L3MBTL4: variants seen among roughly 807,000 people sequenced by gnomAD.
L3MBTL4 encodes L3MBTL histone methyl-lysine binding protein 4, also known as lethal(3)malignant brain tumor-like protein 4.
A neutral mutation model predicts 84.5 loss-of-function variants in L3MBTL4; 70 were observed. That is an observed-to-expected ratio of 0.83 (90% CI 0.68 to 1.01). The LOEUF (loss-of-function observed/expected upper bound fraction) is 1.01, where lower values mean the gene tolerates loss of function less well. L3MBTL4 is among the 50% of genes least tolerant of loss of function. L3MBTL4 has a pLI of 0.00. For missense variants in L3MBTL4, 715 were observed against 754.8 expected (o/e 0.95, Z 0.62); for synonymous variants, 274 against 259.8 (o/e 1.05, Z -0.52).
At chr18:6,111,143 G>A (rs181054129) in intron 14 of L3MBTL4, among the ~76,000 whole-genome samples, 33 of 152,232 alleles carry the variant, frequency 2.2e-4, no homozygotes, top group Admixed American at 9.2e-4. Context: ...AGATGGAGCC[G>A]GAGAGGTGAG....
chr18:6,080,671 T>C (rs1339030875), intron 16 of L3MBTL4, among the ~76,000 whole-genome samples: 1 of 152,162 alleles, frequency 6.6e-6, no homozygotes, highest in Non-Finnish European at 1.5e-5. Context: ...TCCAGTCCTT[T>C]TACTTTTAAA....
rs150639377 is a variant in L3MBTL4 at position 6,076,452 on chromosome 18, T to C, written c.1444+4429A>G. Among the ~76,000 whole-genome samples, 547 of 152,262 alleles carry C rather than the reference T, an allele frequency of 3.6e-3. 3 individuals carry two copies. Among genetic ancestry groups the C allele is most frequent in the African/African-American group, 0.013 (530 of 41,560 alleles). The stretch of plus-strand genomic sequence containing the variant: ...ATAGTTACCCTGGCAGGAGGAATGA[T>C]AGGGGTCAGAAGCTTGAGGTGAGCT... On this transcript the variant is annotated intron_variant, in intron 16 of 18. Coordinates refer to ENST00000317931, the MANE Select transcript of L3MBTL4 (RefSeq NM_001330559.2).
chr18:5,988,581 G>A (rs1174060009), intron 16 of L3MBTL4, among the ~76,000 whole-genome samples: 4 of 152,028 alleles, frequency 2.6e-5, no homozygotes, highest in Admixed American at 6.6e-5. Context: ...TAAATGTTAG[G>A]CCACTAGACA....
intron 1 of L3MBTL4, among the ~76,000 whole-genome samples, chr18:6,318,240 A>G (rs535572093): frequency 6.6e-6 from 1 of 152,202 alleles, no homozygotes; most frequent in African/African-American, 2.4e-5. Flanking sequence ...GATGACTGGA[A>G]CAGTACCTCA....
In L3MBTL4 at chr18:6,384,794, G is replaced by A. The variant is rs548447993; in HGVS notation, c.-91+30007C>T. Among the ~76,000 whole-genome samples the A allele has an allele frequency of 2.0e-5, 3 of 152,276 alleles. No individual in the cohort carries two copies. In the South Asian group the frequency reaches 6.2e-4, roughly 32 times the overall value. ...TCACGGATGGTCTCCTCTGGGGGAA[G>A]CCAGCTGCCATGTTATGAGGACACT... On this transcript the variant is annotated intron_variant, in intron 1 of 18. Coordinates refer to ENST00000317931, the MANE Select transcript of L3MBTL4 (RefSeq NM_001330559.2).
chr18:6,062,384 C>G lies in L3MBTL4; in HGVS notation c.1444+18497G>C, dbSNP rs371089938. On this transcript the variant is annotated intron_variant, in intron 16 of 18. Coordinates refer to ENST00000317931, the MANE Select transcript of L3MBTL4 (RefSeq NM_001330559.2). ...CTCTATGGGTAAGGTGATTATTTTC[C>G]TCTGGCTTCTTTCAAGATTTTCTCT... Among the ~76,000 whole-genome samples, 51 of 152,034 alleles carry G rather than the reference C, an allele frequency of 3.4e-4. No individual in the cohort carries two copies. In the South Asian group the frequency reaches 9.8e-3, roughly 29 times the overall value.
intron 4 of L3MBTL4, among the ~76,000 whole-genome samples, chr18:6,278,775 CT>C (rs2049196797): frequency 6.6e-6 from 1 of 151,896 alleles, no homozygotes; most frequent in East Asian, 1.9e-4. Context: ...CTGTGATAAT[CT>C]TTAGTTTGCT....
intron 16 of L3MBTL4, among the ~76,000 whole-genome samples, chr18:6,064,226 T>G (rs1031368234): frequency 2.6e-5 from 4 of 152,132 alleles, no homozygotes; most frequent in Non-Finnish European, 5.9e-5. Context: ...ATGCCTATTT[T>G]TTATACCAGT....
chr18:6,091,306 G>T (rs1214855300), intron 15 of L3MBTL4, among the ~76,000 whole-genome samples: 1 of 152,200 alleles, frequency 6.6e-6, no homozygotes, highest in Non-Finnish European at 1.5e-5. Flanking sequence ...AAAAGGGAAT[G>T]ACTGCTAATA....
chr18:6,208,121 AAATAAAT>A (rs2045951054), intron 12 of L3MBTL4, among the ~76,000 whole-genome samples: 7 of 128,276 alleles, frequency 5.5e-5, no homozygotes, highest in Admixed American at 5.3e-4. Context: ...TCTAAAAAAT[AAATAAAT>A]AAATAAATAA....
chr18:6,019,523 A>G (rs1025453777), intron 16 of L3MBTL4, among the ~76,000 whole-genome samples: 1 of 152,224 alleles, frequency 6.6e-6, no homozygotes, highest in East Asian at 1.9e-4. Context: ...TTCAAGAAGC[A>G]TTGTGTAAAT....
At chr18:6,119,293 C>CA (rs2059455388) in intron 14 of L3MBTL4, among the ~76,000 whole-genome samples, 1 of 152,076 alleles carries the variant, frequency 6.6e-6, no homozygotes, top group Non-Finnish European at 1.5e-5. Context: ...GAACTACTGT[C>CA]AAAAGGAACC....
chr18:6,209,616 T>A (rs1188050820), intron 12 of L3MBTL4, among the ~76,000 whole-genome samples: 1 of 152,126 alleles, frequency 6.6e-6, no homozygotes, highest in Non-Finnish European at 1.5e-5. Flanking sequence ...TATAGAGTTA[T>A]CATATGACCC....
chr18:6,172,258 T>G (rs1051512965), intron 12 of L3MBTL4, among the ~76,000 whole-genome samples: 2 of 152,186 alleles, frequency 1.3e-5, no homozygotes, highest in African/African-American at 4.8e-5. Context: ...GAGGGGATAC[T>G]CTTTGTCCTG....
intron 16 of L3MBTL4, among the ~76,000 whole-genome samples, chr18:6,033,300 T>C (rs1232409064): frequency 6.6e-6 from 1 of 152,198 alleles, no homozygotes; most frequent in Non-Finnish European, 1.5e-5. Flanking sequence ...CTGCTCTCTT[T>C]TGGTAACTAT....
intron 16 of L3MBTL4, among the ~76,000 whole-genome samples, chr18:5,973,966 T>A (rs2052774005): frequency 6.6e-6 from 1 of 152,234 alleles, no homozygotes; most frequent in South Asian, 2.1e-4. Context: ...AAATGTTCTC[T>A]GCACCAGAAA....
intron 1 of L3MBTL4, among the ~76,000 whole-genome samples, chr18:6,386,712 T>C (rs1217746279): frequency 6.6e-6 from 1 of 152,062 alleles, no homozygotes; most frequent in Admixed American, 6.6e-5. Flanking sequence ...CTTATGAAGC[T>C]GCTCAAGGAA....
At chr18:6,266,918 G>T (rs949808987) in intron 4 of L3MBTL4, among the ~76,000 whole-genome samples, 1 of 151,558 alleles carries the variant, frequency 6.6e-6, no homozygotes, top group Middle Eastern at 3.2e-3. Context: ...GTGAAACTCC[G>T]TCTCAGAAAA....
chr18:6,266,063 C>T (rs1445016589), intron 4 of L3MBTL4, among the ~76,000 whole-genome samples: 3 of 152,052 alleles, frequency 2.0e-5, no homozygotes, highest in Non-Finnish European at 4.4e-5. Flanking sequence ...TTACATTTTA[C>T]CCCATAAATA....
Sources: gnomAD v4.1 joint callset for allele counts (sites outside exome capture counted in the v4.1 genomes callset) on GRCh38, gnomAD v4.1.1 for gene constraint, MANE v1.5 for transcripts, NCBI Gene and HGNC (gene_info 2026-07-23, HGNC 2026-07-21) for gene names.